PLXDC2: variants seen among roughly 807,000 people sequenced by gnomAD.
PLXDC2 encodes plexin domain containing 2.
PLXDC2 carries 40 observed loss-of-function variants against 68.9 expected under a neutral mutation model. That is an observed-to-expected ratio of 0.58 (90% CI 0.45 to 0.76). PLXDC2 has a LOEUF of 0.76. Ranked by LOEUF, PLXDC2 falls within the 30% of genes least tolerant of loss-of-function variation. The pLI, the probability that PLXDC2 is intolerant of heterozygous loss-of-function variation, is 0.00. For missense variants in PLXDC2, 644 were observed against 661.9 expected, an observed-to-expected ratio of 0.97 and a Z score of 0.30; for synonymous variants, 243 against 234.2, an observed-to-expected ratio of 1.04 and a Z score of -0.34.
Position 19,938,254 on chromosome 10 carries a change from AAG to A in PLXDC2, c.113-63518_113-63517del, listed in dbSNP as rs763365556. Among the ~76,000 whole-genome samples, 233 of 152,280 alleles carry A rather than the reference AAG, an allele frequency of 1.5e-3. 1 individual carries two copies. Among genetic ancestry groups the A allele is most frequent in the Non-Finnish European group, 2.7e-3 (181 of 68,028 alleles). ...GGCAGGAGTCTGATCTCTCACAAGC[AAG>A]AGTTTCAGTGACCTGGTACCATAGG... is the stretch of plus-strand genomic sequence containing the variant. On this transcript the variant is annotated intron_variant, in intron 1 of 13. Coordinates refer to ENST00000377252, the MANE Select transcript of PLXDC2 (RefSeq NM_032812.9).
At chr10:20,254,738 A>C (rs1239582713) in intron 13 of PLXDC2, among the ~76,000 whole-genome samples, 2 of 152,148 alleles carry the variant, frequency 1.3e-5, no homozygotes, top group African/African-American at 4.8e-5. Context: ...AATATAGTGA[A>C]ATGCAGAGAA....
At position 19,836,552 on chromosome 10, in the gene PLXDC2, A is replaced by G. The variant is rs76624118; in HGVS notation, c.112+19361A>G. On this transcript the variant is annotated intron_variant, in intron 1 of 13. Transcript: ENST00000377252. The stretch of plus-strand genomic sequence containing the variant: ...TAAATCCATGAAATCACTCAAATAG[A>G]ATCAAGTTTGTTGGAAAGAGAATCT... Among the ~76,000 whole-genome samples, 434 of 152,326 alleles carry G rather than the reference A, an allele frequency of 2.8e-3. 9 individuals carry two copies. In the East Asian group the frequency reaches 0.053, roughly 19 times the overall value.
intron 3 of PLXDC2, among the ~76,000 whole-genome samples, chr10:20,052,875 A>G (rs1297883830): frequency 6.6e-6 from 1 of 152,068 alleles, no homozygotes; most frequent in Non-Finnish European, 1.5e-5. Flanking sequence ...GCAACTTCCC[A>G]CACACTTCCC....
At chr10:20,215,907 C>G (rs566038272) in intron 10 of PLXDC2, among the ~76,000 whole-genome samples, 1 of 151,922 alleles carries the variant, frequency 6.6e-6, no homozygotes, top group Non-Finnish European at 1.5e-5. Context: ...GCTTGAAATT[C>G]ATACTGAGCA....
intron 12 of PLXDC2, among the ~76,000 whole-genome samples, chr10:20,229,263 C>G (rs374842344): frequency 2.0e-5 from 3 of 151,896 alleles, no homozygotes; most frequent in South Asian, 2.1e-4. Context: ...TAGTAAGACA[C>G]AAGTAATATG....
intron 12 of PLXDC2, among the ~76,000 whole-genome samples, chr10:20,220,147 C>A (rs1342870728): frequency 2.0e-5 from 3 of 152,150 alleles, no homozygotes; most frequent in Non-Finnish European, 4.4e-5. Context: ...TTATTTCATT[C>A]ATTTCTTATT....
At chr10:19,919,462 G>A (rs918025438) in intron 1 of PLXDC2, among the ~76,000 whole-genome samples, 1 of 152,102 alleles carries the variant, frequency 6.6e-6, no homozygotes, top group African/African-American at 2.4e-5. Context: ...TGGAAGAATT[G>A]GAGATGGCTA....
chr10:19,883,967 G>T (rs1589518325), intron 1 of PLXDC2, among the ~76,000 whole-genome samples: 1 of 139,784 alleles, frequency 7.2e-6, no homozygotes, highest in Non-Finnish European at 1.5e-5. Flanking sequence ...GATTGATCTC[G>T]GCTCACTGCA....
chr10:20,086,707 G>A (rs1403327170), intron 4 of PLXDC2, among the ~76,000 whole-genome samples: 1 of 152,096 alleles, frequency 6.6e-6, no homozygotes. Context: ...TTCGAGAACA[G>A]GATTCAAAGA....
At chr10:19,845,671 G>C (rs1589497484) in intron 1 of PLXDC2, among the ~76,000 whole-genome samples, 2 of 152,318 alleles carry the variant, frequency 1.3e-5, no homozygotes, top group African/African-American at 4.8e-5. Flanking sequence ...CTCCTTGACT[G>C]CTCCTGCAGA....
At chr10:20,183,694 A>G (rs1223259430) in intron 9 of PLXDC2, among the ~76,000 whole-genome samples, 1 of 151,984 alleles carries the variant, frequency 6.6e-6, no homozygotes, top group African/African-American at 2.4e-5. Context: ...AAATGCAGAT[A>G]TTTTACACCT....
At chr10:20,195,543 TA>T (rs1834826255) in intron 9 of PLXDC2, among the ~76,000 whole-genome samples, 1 of 152,274 alleles carries the variant, frequency 6.6e-6, no homozygotes, top group African/African-American at 2.4e-5. Context: ...TGTTCTTTTC[TA>T]AATGTTTATG....
rs557500760 is a variant in PLXDC2 at position 19,959,144 on chromosome 10, T to C, written c.113-42631T>C. On this transcript the variant is annotated intron_variant, in intron 1 of 13. Coordinates refer to ENST00000377252, the MANE Select transcript of PLXDC2 (RefSeq NM_032812.9). ...ACAAATGAAGACATTAATCCTGAGATGTTGAGCAGTTTACCCAGGATTATC... is the reference window on the plus strand; with the variant it reads ...ACAAATGAAGACATTAATCCTGAGACGTTGAGCAGTTTACCCAGGATTATC... Among the ~76,000 whole-genome samples the C allele has an allele frequency of 5.9e-5, 9 of 152,304 alleles. No individual in the cohort carries two copies. The South Asian group carries it at 1.9e-3, about 32-fold the overall frequency.
intron 1 of PLXDC2, among the ~76,000 whole-genome samples, chr10:19,891,173 A>C (rs1837954525): frequency 1.3e-5 from 2 of 152,208 alleles, no homozygotes; most frequent in Non-Finnish European, 2.9e-5. Context: ...ATAAAGCAAA[A>C]TATGCTGCAT....
chr10:20,255,191 GGATAGATA>G (rs199581943), intron 13 of PLXDC2, among the ~76,000 whole-genome samples: 2,939 of 96,778 alleles, frequency 0.03, 28 homozygotes, highest in African/African-American at 0.047. Flanking sequence ...ATAGGTGGAT[GGATAGATA>G]GATAGATAGA....
At chr10:20,014,827 A>G (rs1044839936) in intron 2 of PLXDC2, among the ~76,000 whole-genome samples, 1 of 152,204 alleles carries the variant, frequency 6.6e-6, no homozygotes, top group Non-Finnish European at 1.5e-5. Context: ...ACACAATCAC[A>G]AAAGAAAAAA....
At chr10:20,143,675 C>T (rs1179129788) in intron 5 of PLXDC2, among the ~76,000 whole-genome samples, 2 of 151,964 alleles carry the variant, frequency 1.3e-5, no homozygotes, top group African/African-American at 4.8e-5. Context: ...AAAGCAAACG[C>T]ATTTATTTGA....
At chr10:20,122,030 G>C (rs1325374831) in intron 4 of PLXDC2, among the ~76,000 whole-genome samples, 8 of 151,982 alleles carry the variant, frequency 5.3e-5, no homozygotes, top group African/African-American at 1.9e-4. Context: ...AATACAAGAG[G>C]AGGACGCAAA....
At chr10:19,942,190 C>G (rs1240048979) in intron 1 of PLXDC2, among the ~76,000 whole-genome samples, 3 of 152,090 alleles carry the variant, frequency 2.0e-5, no homozygotes, top group African/African-American at 7.2e-5. Flanking sequence ...TGGACTTAAA[C>G]TAAAATATTA....
Sources: gnomAD v4.1 joint callset for allele counts (sites outside exome capture counted in the v4.1 genomes callset) on GRCh38, gnomAD v4.1.1 for gene constraint, MANE v1.5 for transcripts, NCBI Gene and HGNC (gene_info 2026-07-23, HGNC 2026-07-21) for gene names.